The following DYDC2 variants were observed in gnomAD, a reference collection of about 807,000 sequenced individuals.
DYDC2 encodes the protein DPY30 domain-containing protein 2.
A neutral mutation model predicts 18.7 loss-of-function variants in DYDC2; 19 were observed. The ratio of observed to expected loss-of-function variants is 1.02; its 90% CI spans 0.71 to 1.49. The LOEUF (loss-of-function observed/expected upper bound fraction) is 1.49, where lower values mean the gene tolerates loss of function less well. Among genes scored for constraint, DYDC2 ranks in the 40% most tolerant of loss-of-function variants. The probability of loss-of-function intolerance (pLI) is 0.00; values close to 1 mark genes in which losing one functional copy is unlikely to be tolerated. For synonymous variants in DYDC2, 63 were observed against 67.6 expected, an observed-to-expected ratio of 0.93 and a Z score of 0.34; for missense variants, 179 against 205.1, an observed-to-expected ratio of 0.87 and a Z score of 0.78.
rs909508175 is a variant in DYDC2 at position 80,367,526 on chromosome 10, C to T, written c.*575C>T. ...CTTGAGATAATGGGAGTGCTAGAAG[C>T]AAGGAGCCAGCAAGTCTGGACACAT... On this transcript the variant is annotated 3_prime_UTR_variant, in exon 5 of 5. Coordinates refer to ENST00000256039, the MANE Select transcript of DYDC2 (RefSeq NM_032372.6). 4 of 152,394 alleles carry T rather than the reference C, an allele frequency of 2.6e-5. No homozygotes were observed. Among genetic ancestry groups the T allele is most frequent in the African/African-American group, 7.2e-5 (3 of 41,424 alleles). 9.4% of individuals were successfully genotyped at this position (152,394 alleles called of 1,614,324 possible).
rs536750203 is a variant in DYDC2 at position 80,358,882 on chromosome 10, CAG to C, written c.-10+840_-10+841del. Among the ~76,000 whole-genome samples the C allele has an allele frequency of 2.4e-4, 37 of 152,266 alleles. 1 individual carries two copies. Among genetic ancestry groups the C allele is most frequent in the South Asian group, 2.1e-3 (10 of 4,830 alleles). ...GTTCCTTTTGATGTTCGGATGTGTT[CAG>C]AGTTTCTTCCTTCTGGTGGGTTGCT... On this transcript the variant is annotated intron_variant, in intron 2 of 4. Transcript: ENST00000256039.
At chr10:80,364,819 T>G (rs1490072116) in intron 4 of DYDC2, among the ~76,000 whole-genome samples, 1 of 152,204 alleles carries the variant, frequency 6.6e-6, no homozygotes, top group Non-Finnish European at 1.5e-5. Flanking sequence ...TGATCTAAAA[T>G]GAAGCAAATT....
upstream of DYDC2, chr10:80,356,749 T>C: frequency 3.0e-6 from 3 of 985,198 alleles, no homozygotes; most frequent in Non-Finnish European, 3.6e-6. Context: ...AGGAGCGGCG[T>C]CCCGTTGCCA....
intron 2 of DYDC2, among the ~76,000 whole-genome samples, chr10:80,358,993 G>C (rs1288705940): frequency 6.6e-6 from 1 of 152,214 alleles, no homozygotes; most frequent in Admixed American, 6.5e-5. Flanking sequence ...ACAATGAGCA[G>C]CAGCAAGATT....
At chr10:80,351,941 A>G (rs1843009483), upstream of DYDC2, 4 of 1,614,076 alleles carry the variant, frequency 2.5e-6, no homozygotes, top group Non-Finnish European at 3.4e-6. Flanking sequence ...CCTCTCCATC[A>G]TTTCCTGCTC....
At chr10:80,365,068 G>C (rs1020431215) in intron 4 of DYDC2, among the ~76,000 whole-genome samples, 7 of 152,200 alleles carry the variant, frequency 4.6e-5, no homozygotes, top group Non-Finnish European at 5.9e-5. Context: ...AGGATGGGTT[G>C]CATGAAATTT....
intron 1 of DYDC2, among the ~76,000 whole-genome samples, chr10:80,347,430 C>T (rs1842735891): frequency 1.3e-5 from 2 of 151,886 alleles, no homozygotes; most frequent in South Asian, 4.1e-4. Context: ...TGATTGTTTG[C>T]TGTGCAAGAG....
At chr10:80,361,199 G>A (rs912841964) in intron 2 of DYDC2, among the ~76,000 whole-genome samples, 11 of 151,690 alleles carry the variant, frequency 7.3e-5, no homozygotes. Context: ...ATTTTTAAGA[G>A]TACAGGGTAG....
rs553136343 is a variant in DYDC2 at position 80,362,723 on chromosome 10, A to G, written c.147+133A>G. 22 of 1,422,984 alleles carry G rather than the reference A, an allele frequency of 1.5e-5. No individual in the cohort carries two copies. In the South Asian group the frequency reaches 2.3e-4, roughly 15 times the overall value. The allele number at this position is 1,422,984 out of a possible 1,614,324, so 88.1% of individuals were successfully genotyped here. A position where few individuals can be genotyped will look rare whatever the true frequency, so the allele number is the denominator to read the frequency against. On this transcript the variant is annotated intron_variant, in intron 3 of 4. Transcript: ENST00000256039. ...ATTTGACTTGCTCTTAGAGCCAGAT[A>G]TCCCTGAAGCATGGGGATCCTGGGG...
intron 2 of DYDC2, among the ~76,000 whole-genome samples, chr10:80,359,038 T>A (rs549676817): frequency 6.6e-6 from 1 of 152,218 alleles, no homozygotes; most frequent in Admixed American, 6.5e-5. Flanking sequence ...GCTTCCAGTG[T>A]GGAAGGGAAC....
At chr10:80,351,798 T>A, upstream of DYDC2, 1 of 1,001,412 alleles carries the variant, frequency 1.0e-6, no homozygotes, top group South Asian at 1.6e-5. Flanking sequence ...GGAAGCCATA[T>A]CTAAATAACT....
chr10:80,360,008 A>G (rs1843618645), intron 2 of DYDC2, among the ~76,000 whole-genome samples: 1 of 152,244 alleles, frequency 6.6e-6, no homozygotes, highest in Non-Finnish European at 1.5e-5. Context: ...GCCAAGAGCA[A>G]GAGAGGGCTG....
chr10:80,347,051 G>C (rs1241137946), intron 1 of DYDC2, among the ~76,000 whole-genome samples: 1 of 151,792 alleles, frequency 6.6e-6, no homozygotes, highest in African/African-American at 2.4e-5. Flanking sequence ...CTTCACTCCA[G>C]CCTGGGTGAA....
chr10:80,355,497 G>C (rs1037562137), upstream of DYDC2, among the ~76,000 whole-genome samples: 1 of 152,020 alleles, frequency 6.6e-6, no homozygotes, highest in Non-Finnish European at 1.5e-5. Flanking sequence ...CTATCTCAAA[G>C]ATATAGTTGC....
intron 2 of DYDC2, among the ~76,000 whole-genome samples, chr10:80,359,885 C>T (rs1348495323): frequency 6.6e-6 from 1 of 152,178 alleles, no homozygotes; most frequent in African/African-American, 2.4e-5. Flanking sequence ...CCACACCTCC[C>T]TGCAAGCAGA....
intron 2 of DYDC2, among the ~76,000 whole-genome samples, chr10:80,358,272 G>A (rs1843509328): frequency 6.6e-6 from 1 of 152,202 alleles, no homozygotes; most frequent in Non-Finnish European, 1.5e-5. Flanking sequence ...CAGCTCCTCA[G>A]GAGGCTGAGA....
chr10:80,365,985 G>A (rs1843823024), intron 4 of DYDC2, among the ~76,000 whole-genome samples: 1 of 140,148 alleles, frequency 7.1e-6, no homozygotes, highest in South Asian at 2.4e-4. Context: ...GTCCTTGTCT[G>A]TTAATTCCAC....
intron 1 of DYDC2, among the ~76,000 whole-genome samples, chr10:80,345,679 G>A (rs1284720141): frequency 1.3e-5 from 2 of 151,916 alleles, no homozygotes; most frequent in Non-Finnish European, 2.9e-5. Context: ...TAGACAGCAT[G>A]TGGTATTTTT....
chr10:80,358,841 G>A (rs184365693), intron 2 of DYDC2, among the ~76,000 whole-genome samples: 13 of 152,226 alleles, frequency 8.5e-5, no homozygotes, highest in Admixed American at 5.2e-4. Flanking sequence ...TCTTAAAGGC[G>A]GCGTGTCCAG....
Sources: gnomAD v4.1 joint callset for allele counts (sites outside exome capture counted in the v4.1 genomes callset) on GRCh38, gnomAD v4.1.1 for gene constraint, MANE v1.5 for transcripts, NCBI Gene and HGNC (gene_info 2026-07-23, HGNC 2026-07-21) for gene names.